ZFAT: variants seen among roughly 807,000 people sequenced by gnomAD.
ZFAT encodes zinc finger protein ZFAT.
A neutral mutation model predicts 117.7 loss-of-function variants in ZFAT; 64 were observed. That is an observed-to-expected ratio of 0.54 (90% CI 0.44 to 0.67). ZFAT has a LOEUF of 0.67. Ranked by LOEUF, ZFAT falls within the 30% of genes least tolerant of loss-of-function variation. The pLI, the probability that ZFAT is intolerant of heterozygous loss-of-function variation, is 0.00. For synonymous variants in ZFAT, 679 were observed against 615.0 expected, an observed-to-expected ratio of 1.10 and a Z score of -1.54; for missense variants, 1,433 against 1,584.5, an observed-to-expected ratio of 0.90 and a Z score of 1.62.
the ZFAT span, among the ~76,000 whole-genome samples, chr8:134,819,170 CTTA>C: frequency 2.0e-5 from 3 of 151,688 alleles, no homozygotes; most frequent in Admixed American, 2.0e-4. Flanking sequence ...AGCCAGGTTA[CTTA>C]CTTGCAATAA....
intron 5 of ZFAT, among the ~76,000 whole-genome samples, chr8:134,603,825 G>A (rs1008486595): frequency 7.9e-5 from 12 of 152,216 alleles, no homozygotes; most frequent in African/African-American, 2.7e-4. Context: ...GCAGTAACAG[G>A]AGGCTACTGC....
chr8:134,533,809 G>T (rs745650899), intron 11 of ZFAT, among the ~76,000 whole-genome samples: 3 of 152,236 alleles, frequency 2.0e-5, no homozygotes, highest in Non-Finnish European at 4.4e-5. Flanking sequence ...CACCTGCTGG[G>T]CCCCTGGGGA....
rs560057885 is a variant in ZFAT at position 134,485,329 on chromosome 8, C to T, written c.3493-6608G>A. 3.3e-5 allele frequency among the ~76,000 whole-genome samples: 5 copies of T among 152,338 alleles called. No individual in the cohort carries two copies. The East Asian group carries it at 9.6e-4, about 29-fold the overall frequency. On this transcript the variant is annotated intron_variant, in intron 15 of 15. Coordinates refer to ENST00000377838, the MANE Select transcript of ZFAT (RefSeq NM_020863.4). ...CAGGAGGCTGCAGTGTCAGGGTCCA[C>T]ACAATCTTCTTGATTTTCCCATTGG...
At chr8:134,785,918 T>G in the ZFAT span, 1 of 152,204 alleles carries the variant, frequency 6.6e-6, no homozygotes, top group Non-Finnish European at 1.5e-5. Context: ...TGCACTGATT[T>G]TTCCCATTCT....
intron 1 of ZFAT, among the ~76,000 whole-genome samples, chr8:134,660,304 T>C (rs747750977): frequency 3.9e-5 from 6 of 152,236 alleles, no homozygotes; most frequent in Non-Finnish European, 7.3e-5. Flanking sequence ...CTACAGCCCA[T>C]GAGCTGAGTT....
the ZFAT span, among the ~76,000 whole-genome samples, chr8:134,755,651 A>G: frequency 8.6e-5 from 13 of 151,594 alleles, no homozygotes; most frequent in Non-Finnish European, 1.9e-4. Context: ...GTCTCTACAA[A>G]AAATACAAAA....
At chr8:134,672,031 G>A (rs182573823) in intron 1 of ZFAT, among the ~76,000 whole-genome samples, 1,616 of 152,224 alleles carry the variant, frequency 0.011, 15 homozygotes, top group Non-Finnish European at 0.017. Context: ...AAAATACCTA[G>A]GAATACAACT....
the ZFAT span, chr8:134,800,445 A>C: frequency 2.2e-5 from 10 of 448,346 alleles, no homozygotes; most frequent in Non-Finnish European, 9.0e-6. Context: ...CTTTAATTAC[A>C]TTAATTACAT....
chr8:134,515,586 T>C (rs571922454), intron 13 of ZFAT, among the ~76,000 whole-genome samples: 5 of 152,372 alleles, frequency 3.3e-5, no homozygotes, highest in Admixed American at 3.3e-4. Flanking sequence ...TTTCATATGT[T>C]TGTTGGCTGC....
intron 13 of ZFAT, among the ~76,000 whole-genome samples, chr8:134,517,013 A>T (rs368982472): frequency 6.6e-6 from 1 of 152,190 alleles, no homozygotes; most frequent in South Asian, 2.1e-4. Flanking sequence ...AACATATTTT[A>T]TGTGTTTCGC....
chr8:134,533,065 A>C, intron 11 of ZFAT, 93 bp from the exon 12 acceptor site: 2 of 1,507,806 alleles, frequency 1.3e-6, no homozygotes, highest in South Asian at 2.5e-5. Flanking sequence ...ACACCCTGAA[A>C]GCCTGAGATG....
intron 11 of ZFAT, among the ~76,000 whole-genome samples, chr8:134,542,472 C>T (rs1476896515): frequency 6.6e-6 from 1 of 152,224 alleles, no homozygotes; most frequent in Non-Finnish European, 1.5e-5. Flanking sequence ...CTCAAGCAGG[C>T]CCCAGTGTGT....
At chr8:134,691,404 CAG>C (rs1176354847) in intron 1 of ZFAT, among the ~76,000 whole-genome samples, 1 of 152,262 alleles carries the variant, frequency 6.6e-6, no homozygotes, top group African/African-American at 2.4e-5. Flanking sequence ...TCCACGGACA[CAG>C]TGTCTCCCAA....
chr8:134,495,523 A>G (rs1430489539), intron 15 of ZFAT, among the ~76,000 whole-genome samples: 1 of 152,202 alleles, frequency 6.6e-6, no homozygotes, highest in East Asian at 1.9e-4. Flanking sequence ...AATTACTCAC[A>G]ATGACTCAAC....
intron 1 of ZFAT, among the ~76,000 whole-genome samples, chr8:134,676,412 C>G (rs201774480): frequency 2.6e-5 from 4 of 152,148 alleles, no homozygotes; most frequent in African/African-American, 7.2e-5. Context: ...TAAATATATA[C>G]GCACCCGATA....
the ZFAT span, among the ~76,000 whole-genome samples, chr8:134,761,712 AAAAT>A: frequency 6.6e-6 from 1 of 152,122 alleles, no homozygotes. Flanking sequence ...AAAAAAAAGT[AAAAT>A]AAAATAAATT....
chr8:134,556,917 T>A (rs1342829535), intron 11 of ZFAT, among the ~76,000 whole-genome samples: 2 of 152,046 alleles, frequency 1.3e-5, no homozygotes, highest in Non-Finnish European at 2.9e-5. Flanking sequence ...AATATTTTAA[T>A]ATTTTAATTA....
At chr8:134,613,323 A>G (rs1225185986) in intron 3 of ZFAT, among the ~76,000 whole-genome samples, 1 of 152,202 alleles carries the variant, frequency 6.6e-6, no homozygotes, top group East Asian at 1.9e-4. Context: ...TGAAGAGATC[A>G]CCACGCTCTG....
chr8:134,812,085 A>AGTGAGCC, the ZFAT span, among the ~76,000 whole-genome samples: 1 of 152,200 alleles, frequency 6.6e-6, no homozygotes, highest in Non-Finnish European at 1.5e-5. Context: ...CAGAGGTTGC[A>AGTGAGCC]GTGAGCCGAG....
Sources: gnomAD v4.1 joint callset for allele counts (sites outside exome capture counted in the v4.1 genomes callset) on GRCh38, gnomAD v4.1.1 for gene constraint, MANE v1.5 for transcripts, NCBI Gene and HGNC (gene_info 2026-07-23, HGNC 2026-07-21) for gene names.